STXBP2: variants seen among roughly 807,000 people sequenced by gnomAD.
The protein encoded by STXBP2 is syntaxin binding protein 2.
Under a neutral mutation model 72.2 loss-of-function variants are expected in STXBP2, and 47 were observed. That is an observed-to-expected ratio of 0.65 (90% CI 0.51 to 0.83). The LOEUF is 0.83. STXBP2 is among the 40% of genes least tolerant of loss of function. STXBP2 has a pLI of 0.00. For synonymous variants in STXBP2, 367 were observed against 338.7 expected, an observed-to-expected ratio of 1.08 and a Z score of -0.92; for missense variants, 702 against 807.6, an observed-to-expected ratio of 0.87 and a Z score of 1.58.
In STXBP2 at chr19:7,646,308, G is replaced by C. The variant is rs761667771; in HGVS notation, c.1416G>C (p.Leu472=). 1.9e-6 allele frequency: 3 copies of C among 1,611,446 alleles called. No individual in the cohort carries two copies. In the East Asian group the frequency reaches 6.7e-5, roughly 36 times the overall value. ...AACGCATGGAGCCCACCTATCAGCT[G>C]TCCCGCTGGACCCCGGTCATCAAGG... ...PRERMEPTYQ[L]SRWTPVIKDV... Residue 472 remains leucine (L), a synonymous_variant, in exon 16 of 19, where the codon CTG becomes CTC. Coordinates refer to ENST00000221283, the MANE Select transcript of STXBP2 (RefSeq NM_006949.4).
chr19:7,636,967 T>A, upstream of STXBP2: 202 of 503,080 alleles, frequency 4.0e-4, no homozygotes, highest in East Asian at 9.7e-4. Context: ...CGGACGCACC[T>A]GCCCGTCCTC....
chr19:7,640,291 C>A, intron 4 of STXBP2: 1 of 518,708 alleles, frequency 1.9e-6, no homozygotes, highest in African/African-American at 2.2e-5. Context: ...CATCTGTGTG[C>A]ATGTGTCTAT....
chr19:7,639,950 A>ATG (rs113553729), intron 4 of STXBP2, 143 bp downstream of exon 4: 4 of 720,162 alleles, frequency 5.6e-6, no homozygotes, highest in Admixed American at 2.2e-5. Flanking sequence ...ATGTGTGTGC[A>ATG]TGTGTGTGTG....
upstream of STXBP2, chr19:7,633,029 C>A (rs1410092418): frequency 7.0e-7 from 1 of 1,428,450 alleles, no homozygotes; most frequent in African/African-American, 1.4e-5. Flanking sequence ...GGCCCCCGCC[C>A]CAGGGGCCCT....
upstream of STXBP2, chr19:7,631,926 G>T: frequency 9.3e-7 from 1 of 1,075,442 alleles, no homozygotes; most frequent in Non-Finnish European, 1.2e-6. Context: ...GTGAGCACTG[G>T]TCTATGTTTA....
chr19:7,640,121 CGT>C (rs1159639776), intron 4 of STXBP2: 7 of 517,728 alleles, frequency 1.4e-5, no homozygotes, highest in African/African-American at 2.4e-5. Context: ...TGTGTGTATG[CGT>C]GTGTATGTAT....
At chr19:7,644,582 C>A (rs547719405) in intron 13 of STXBP2, 32 bp from the exon 14 acceptor site, 1 of 1,608,082 alleles carries the variant, frequency 6.2e-7, no homozygotes, top group East Asian at 2.2e-5. Flanking sequence ...TGACACATAG[C>A]GGCCGGTGGA....
chr19:7,639,952 GTGTGTGTGCATC>G (rs776345991), intron 4 of STXBP2, 145 bp downstream of exon 4: 53 of 746,412 alleles, frequency 7.1e-5, no homozygotes, highest in Admixed American at 2.0e-4. Flanking sequence ...GTGTGTGCAT[GTGTGTGTGCATC>G]TGTGTATGCA....
chr19:7,639,385 C>A, intron 3 of STXBP2: 1 of 586,366 alleles, frequency 1.7e-6, no homozygotes, highest in Middle Eastern at 4.6e-4. Flanking sequence ...TGTGGGACTC[C>A]CAGGGTGGAC....
rs140877133 is a variant in STXBP2 at position 7,647,167 on chromosome 19, C to T, written c.1458C>T (p.Ala486=). The T allele has an allele frequency of 4.8e-5, 78 of 1,611,712 alleles. No homozygotes were observed. Among genetic ancestry groups the T allele is most frequent in the African/African-American group, 1.9e-4 (14 of 74,924 alleles). Residue 486 remains alanine, a synonymous_variant, in exon 17 of 19, where the codon GCC becomes GCT. Transcript: ENST00000221283. ...ACCTGCCTCTCGGCCGCCAGGACGCCGTGGAGGACCGGCTGGACAGGAACC... is the reference window on the plus strand; with the variant it reads ...ACCTGCCTCTCGGCCGCCAGGACGCTGTGGAGGACCGGCTGGACAGGAACC... ...TPVIKDVMED[A]VEDRLDRNLW... is the part of the protein sequence containing the mutation.
chr19:7,639,848 G>A (rs758491390), intron 4 of STXBP2, 41 bp downstream of exon 4: 15 of 1,586,118 alleles, frequency 9.5e-6, no homozygotes, highest in South Asian at 7.8e-5. Flanking sequence ...GCGTGCATGC[G>A]TGTACATGTG....
Position 7,642,962 on chromosome 19 carries a change from C to G in STXBP2, c.961-21C>G. The G allele has an allele frequency of 6.2e-7, 1 of 1,614,164 alleles. No individual in the cohort carries two copies. Among genetic ancestry groups the G allele is most frequent in the Non-Finnish European group, 8.5e-7 (1 of 1,180,006 alleles). ...CTGGCTTCGCCCCCCAATCCCTACC[C>G]TCTTCCCCCTACTTCCCCAGGCGAA... is the stretch of plus-strand genomic sequence containing the variant. On this transcript the variant is annotated intron_variant, in intron 11 of 18. Transcript: ENST00000221283. This position sits in a 1 kb window ranked among gnomAD's most constrained non-coding sequence, Gnocchi z 6.0.
At position 7,642,884 on chromosome 19, in the gene STXBP2, G is replaced by T. The variant is rs371075102; in HGVS notation, c.960+61G>T. 2 of 1,612,896 alleles carry T rather than the reference G, an allele frequency of 1.2e-6. No individual in the cohort carries two copies. Among genetic ancestry groups the T allele is most frequent in the African/African-American group, 2.7e-5 (2 of 74,872 alleles). On this transcript the variant is annotated intron_variant, in intron 11 of 18. Coordinates refer to ENST00000221283, the MANE Select transcript of STXBP2 (RefSeq NM_006949.4). This position sits in a 1 kb window ranked among gnomAD's most constrained non-coding sequence, Gnocchi z 6.0. ...GAAGGAAGCCCCCCTCCCCATGGGC[G>T]CAGGGCCACAGCCTGGATTTCGAGC...
At chr19:7,640,389 T>C (rs1380457989) in intron 4 of STXBP2, 1 of 583,830 alleles carries the variant, frequency 1.7e-6, no homozygotes, top group Non-Finnish European at 3.1e-6. Flanking sequence ...CATCAGTGTC[T>C]GCATGTGTGT....
chr19:7,639,701 CACCT>C (rs768253684), intron 3 of STXBP2, 26 bp from the exon 4 acceptor site: 114 of 1,609,450 alleles, frequency 7.1e-5, no homozygotes, highest in East Asian at 1.3e-4. Context: ...GGATGCCACC[CACCT>C]GTGTCCCTTC....
Position 7,647,409 on chromosome 19 carries a change from C to T in STXBP2, c.1594C>T (p.Pro532Ser). The part of the protein sequence containing the change: ...NKAGIEARAG[P>S]RLIVYVMGGV... Reference sequence around the variant, plus strand: ...GGCTGGCATAGAAGCCCGGGCGGGCCCCCGGCTCATCGTGTATGTCATGGG... The same window carrying T: ...GGCTGGCATAGAAGCCCGGGCGGGCTCCCGGCTCATCGTGTATGTCATGGG... The change falls in exon 18 of 19, where the codon CCC (proline) becomes TCC (serine). Residue 532 changes from proline to serine, a missense_variant. Coordinates refer to ENST00000221283, the MANE Select transcript of STXBP2 (RefSeq NM_006949.4). The T allele has an allele frequency of 6.2e-7, 1 of 1,613,562 alleles. No individual in the cohort carries two copies. The highest frequency in any genetic ancestry group is 8.5e-7 in the Non-Finnish European group (1 of 1,179,968).
At chr19:7,635,806 C>T (rs531562178), upstream of STXBP2, among the ~76,000 whole-genome samples, 1 of 152,288 alleles carries the variant, frequency 6.6e-6, no homozygotes, top group South Asian at 2.1e-4. Context: ...GGTTGCCAAC[C>T]GTCCTGGTTT....
At chr19:7,633,421 C>T (rs1568459760), upstream of STXBP2, 3 of 1,574,250 alleles carry the variant, frequency 1.9e-6, no homozygotes, top group African/African-American at 2.7e-5. Context: ...GCACAGGGGC[C>T]TGAGCCTTCC....
the STXBP2 span, chr19:7,631,410 G>C: frequency 1.2e-6 from 1 of 821,194 alleles, no homozygotes; most frequent in Non-Finnish European, 1.8e-6. Flanking sequence ...GGGGGGGGGT[G>C]GTCCCGGCTC....
Sources: gnomAD v4.1 joint callset for allele counts (sites outside exome capture counted in the v4.1 genomes callset) on GRCh38, gnomAD v4.1.1 for gene constraint, Gnocchi (gnomAD v3.1) non-coding constraint, MANE v1.5 for transcripts, NCBI Gene and HGNC (gene_info 2026-07-23, HGNC 2026-07-21) for gene names.